BMP2K: variants seen among roughly 807,000 people sequenced by gnomAD.
BMP2K encodes the protein BMP-2-inducible protein kinase.
Under a neutral mutation model 116.0 loss-of-function variants are expected in BMP2K, and 74 were observed. That is an observed-to-expected ratio of 0.64 (90% confidence interval 0.53 to 0.77). The LOEUF (loss-of-function observed/expected upper bound fraction) is 0.77, where lower values mean the gene tolerates loss of function less well. Ranked by LOEUF, BMP2K falls within the 30% of genes least tolerant of loss-of-function variation. The pLI is 0.00. For synonymous variants in BMP2K, 486 were observed against 502.5 expected, an observed-to-expected ratio of 0.97 and a Z score of 0.44; for missense variants, 1,365 against 1,403.6, an observed-to-expected ratio of 0.97 and a Z score of 0.44.
chr4:78,855,343 GA>G (rs1731453384), intron 7 of BMP2K, among the ~76,000 whole-genome samples: 1 of 152,118 alleles, frequency 6.6e-6, no homozygotes, highest in Non-Finnish European at 1.5e-5. Context: ...TTGTGGGAGA[GA>G]AAAATGTGTC....
chr4:78,845,496 C>T (rs1326757156), intron 5 of BMP2K, among the ~76,000 whole-genome samples: 1 of 151,558 alleles, frequency 6.6e-6, no homozygotes, highest in Non-Finnish European at 1.5e-5. Context: ...AGTGTTAAGA[C>T]TGCATCATCA....
At chr4:78,779,534 C>T (rs1336016146) in intron 1 of BMP2K, among the ~76,000 whole-genome samples, 1 of 152,146 alleles carries the variant, frequency 6.6e-6, no homozygotes, top group South Asian at 2.1e-4. Flanking sequence ...AGAATGTGCA[C>T]GTCAGTAGAC....
chr4:78,861,116 T>A (rs1358464325), intron 8 of BMP2K, among the ~76,000 whole-genome samples: 1 of 151,916 alleles, frequency 6.6e-6, no homozygotes, highest in Non-Finnish European at 1.5e-5. Context: ...TACTCAAGAT[T>A]TACCCAATTA....
chr4:78,911,079 T>C lies in BMP2K; in HGVS notation c.2532T>C (p.Ser844=). 6.2e-7 allele frequency: 1 copy of C among 1,613,996 alleles called. No individual in the cohort carries two copies. Among genetic ancestry groups the C allele is most frequent in the Non-Finnish European group, 8.5e-7 (1 of 1,179,874 alleles). Residue 844 remains serine, a synonymous_variant, in exon 16 of 16, where the codon TCT becomes TCC. Coordinates refer to ENST00000502613, the MANE Select transcript of BMP2K (RefSeq NM_198892.2). ...TILLTSAQLS[S]DVAVETPKQE... ...TCCTCACCTCAGCCCAATTATCCTC[T>C]GATGTTGCAGTGGAGACTCCCAAAC...
chr4:78,906,291 G>A (rs1160937402), intron 15 of BMP2K: 1 of 152,076 alleles, frequency 6.6e-6, no homozygotes, highest in Non-Finnish European at 1.5e-5. Context: ...ATGTCAGTGT[G>A]GGTTGCAAGA....
chr4:78,818,179 T>G (rs564490792), intron 1 of BMP2K, among the ~76,000 whole-genome samples: 5 of 152,294 alleles, frequency 3.3e-5, no homozygotes, highest in African/African-American at 1.2e-4. Flanking sequence ...ACGTGCAGGT[T>G]TGTTACATAG....
intron 15 of BMP2K, among the ~76,000 whole-genome samples, chr4:78,887,866 A>G (rs1306125777): frequency 6.6e-6 from 1 of 152,170 alleles, no homozygotes; most frequent in African/African-American, 2.4e-5. Context: ...TTATAGTGGA[A>G]AAAAAGAGTT....
At chr4:78,881,361 G>A (rs1413676812) in intron 14 of BMP2K, among the ~76,000 whole-genome samples, 1 of 152,088 alleles carries the variant, frequency 6.6e-6, no homozygotes, top group African/African-American at 2.4e-5. Context: ...CACATCAAAA[G>A]CAGAAGTGAC....
intron 14 of BMP2K, chr4:78,879,329 A>ACATT (rs1351929392): frequency 1.7e-5 from 17 of 990,548 alleles, no homozygotes; most frequent in Non-Finnish European, 2.0e-5. Flanking sequence ...ATGGGCTACT[A>ACATT]CATTATGTTA....
chr4:78,898,235 T>C (rs1218073980), intron 15 of BMP2K, among the ~76,000 whole-genome samples: 1 of 152,186 alleles, frequency 6.6e-6, no homozygotes, highest in Admixed American at 6.5e-5. Flanking sequence ...CTGTGGGCTT[T>C]ATTATCTAAT....
chr4:78,834,806 A>G (rs1218869927), intron 3 of BMP2K, among the ~76,000 whole-genome samples: 1 of 152,186 alleles, frequency 6.6e-6, no homozygotes, highest in Non-Finnish European at 1.5e-5. Context: ...TAAGGAGGAA[A>G]GGATGGGGAA....
chr4:78,904,584 C>T (rs1269155748), intron 15 of BMP2K, among the ~76,000 whole-genome samples: 2 of 151,924 alleles, frequency 1.3e-5, no homozygotes, highest in Non-Finnish European at 2.9e-5. Flanking sequence ...TCACCTTATT[C>T]TCAGAATTTA....
intron 1 of BMP2K, among the ~76,000 whole-genome samples, chr4:78,804,323 G>C (rs1728715397): frequency 6.6e-6 from 1 of 151,990 alleles, no homozygotes; most frequent in Non-Finnish European, 1.5e-5. Flanking sequence ...TCCTTTATAT[G>C]AATAATACAT....
Position 78,912,188 on chromosome 4 carries a change from G to A in BMP2K, c.*155G>A. The A allele has an allele frequency of 1.4e-6, 1 of 711,110 alleles. No homozygotes were observed. Among genetic ancestry groups the A allele is most frequent in the Middle Eastern group, 2.5e-4 (1 of 3,952 alleles). 44.1% of individuals were successfully genotyped at this position (711,110 alleles called of 1,614,324 possible). On this transcript the variant is annotated 3_prime_UTR_variant, in exon 16 of 16. Coordinates refer to ENST00000502613, the MANE Select transcript of BMP2K (RefSeq NM_198892.2). ...TAAATAAACCAAATAGAAGAATGAAGTATCTCTACAGGGTAGTAACTTGAT... is the reference window on the plus strand; with the variant it reads ...TAAATAAACCAAATAGAAGAATGAAATATCTCTACAGGGTAGTAACTTGAT...
chr4:78,888,850 T>C (rs1438271590), intron 15 of BMP2K, among the ~76,000 whole-genome samples: 2 of 152,196 alleles, frequency 1.3e-5, no homozygotes, highest in African/African-American at 4.8e-5. Context: ...ATACTGTTCA[T>C]TGAATGTGCA....
At chr4:78,880,036 T>A (rs1426731073) in intron 14 of BMP2K, 1 of 152,154 alleles carries the variant, frequency 6.6e-6, no homozygotes, top group African/African-American at 2.4e-5. Flanking sequence ...TCCTAGAATT[T>A]ATGTTGAGTA....
chr4:78,862,912 G>A (rs906073115), intron 9 of BMP2K, among the ~76,000 whole-genome samples: 8 of 152,048 alleles, frequency 5.3e-5, no homozygotes, highest in African/African-American at 1.7e-4. Context: ...TGTTATAGTT[G>A]AGTGTTAATT....
intron 1 of BMP2K, among the ~76,000 whole-genome samples, chr4:78,823,186 G>A (rs963091444): frequency 2.6e-5 from 4 of 152,048 alleles, no homozygotes; most frequent in Non-Finnish European, 5.9e-5. Flanking sequence ...AGTAGAATTG[G>A]AAAACTTTGA....
intron 1 of BMP2K, among the ~76,000 whole-genome samples, chr4:78,791,982 A>G (rs1334337874): frequency 6.6e-6 from 1 of 152,174 alleles, no homozygotes; most frequent in East Asian, 1.9e-4. Flanking sequence ...ATTGGATCAT[A>G]TGATAATTCT....
Sources: gnomAD v4.1 joint callset for allele counts (sites outside exome capture counted in the v4.1 genomes callset) on GRCh38, gnomAD v4.1.1 for gene constraint, MANE v1.5 for transcripts, NCBI Gene and HGNC (gene_info 2026-07-23, HGNC 2026-07-21) for gene names.